The following RGS7BP variants were observed in gnomAD, a reference collection of about 807,000 sequenced individuals.
The protein encoded by RGS7BP is regulator of G protein signaling 7 binding protein.
Under a neutral mutation model 31.3 loss-of-function variants are expected in RGS7BP, and 9 were observed. That is an observed-to-expected ratio of 0.29 (90% CI 0.17 to 0.50). The LOEUF (loss-of-function observed/expected upper bound fraction) is 0.50. Among genes scored for constraint, RGS7BP ranks in the 20% least tolerant of loss-of-function variants. The pLI, the probability that RGS7BP is intolerant of heterozygous loss-of-function variation, is 0.98. For missense variants in RGS7BP, 274 were observed against 322.0 expected (o/e 0.85, Z 1.14); for synonymous variants, 115 against 120.1 (o/e 0.96, Z 0.28).
chr5:64,584,180 T>C (rs891052084), intron 3 of RGS7BP, among the ~76,000 whole-genome samples: 1 of 152,190 alleles, frequency 6.6e-6, no homozygotes, highest in African/African-American at 2.4e-5. Flanking sequence ...AGCTGAATTC[T>C]ATCTTATTTA....
chr5:64,560,543 G>GTATATA (rs35400833), intron 2 of RGS7BP, among the ~76,000 whole-genome samples: 641 of 147,284 alleles, frequency 4.4e-3, no homozygotes, highest in African/African-American at 0.013. Context: ...TAATATCATT[G>GTATATA]TATATATATA....
intron 3 of RGS7BP, among the ~76,000 whole-genome samples, chr5:64,587,200 C>T (rs1301682044): frequency 6.6e-6 from 1 of 152,060 alleles, no homozygotes; most frequent in Non-Finnish European, 1.5e-5. Context: ...TGTCACACAG[C>T]CATTTCTAAT....
chr5:64,577,505 C>T (rs1328131728), intron 3 of RGS7BP, among the ~76,000 whole-genome samples: 1 of 152,136 alleles, frequency 6.6e-6, no homozygotes, highest in Non-Finnish European at 1.5e-5. Flanking sequence ...AAAACAAGAT[C>T]CTACTACATT....
chr5:64,567,016 T>C (rs1027816081), intron 2 of RGS7BP, among the ~76,000 whole-genome samples: 4 of 151,712 alleles, frequency 2.6e-5, no homozygotes, highest in Non-Finnish European at 4.4e-5. Flanking sequence ...ACACTTTAAT[T>C]TTACCTGTCC....
intron 2 of RGS7BP, among the ~76,000 whole-genome samples, chr5:64,544,268 T>C: frequency 6.6e-6 from 1 of 152,228 alleles, no homozygotes; most frequent in Non-Finnish European, 1.5e-5. Context: ...GTATGATGTG[T>C]ATCATCCTAG....
At chr5:64,553,204 ACT>A (rs1310174177) in intron 2 of RGS7BP, among the ~76,000 whole-genome samples, 20 of 115,156 alleles carry the variant, frequency 1.7e-4, no homozygotes, top group African/African-American at 6.5e-4. Context: ...ACGGAGTCTC[ACT>A]CTGTCACCCA....
At position 64,529,475 on chromosome 5, in the gene RGS7BP, G is replaced by C. The variant is rs182585900; in HGVS notation, c.332+21598G>C. 5.7e-3 allele frequency among the ~76,000 whole-genome samples: 864 copies of C among 152,218 alleles called. 2 individuals are homozygous for C. The highest frequency in any genetic ancestry group is 6.9e-3 in the Non-Finnish European group (467 of 68,004). On this transcript the variant is annotated intron_variant, in intron 2 of 5. Coordinates refer to ENST00000334025, the MANE Select transcript of RGS7BP (RefSeq NM_001029875.3). ...AGATATTGTTGGTTTCAGATCACAG[G>C]GTTTACTGAAATAAAAAGGTTATGA...
intron 2 of RGS7BP, among the ~76,000 whole-genome samples, chr5:64,547,057 T>A (rs937155093): frequency 6.6e-6 from 1 of 152,228 alleles, no homozygotes; most frequent in Non-Finnish European, 1.5e-5. Context: ...GATTCATCCA[T>A]GTGTTGCAAG....
At chr5:64,538,474 A>G (rs886491789) in intron 2 of RGS7BP, among the ~76,000 whole-genome samples, 2 of 144,492 alleles carry the variant, frequency 1.4e-5, no homozygotes, top group African/African-American at 5.1e-5. Flanking sequence ...CTAAATCAGA[A>G]GCATGTAGCC....
chr5:64,531,698 T>G (rs985674325), intron 2 of RGS7BP, among the ~76,000 whole-genome samples: 1 of 152,142 alleles, frequency 6.6e-6, no homozygotes, highest in Non-Finnish European at 1.5e-5. Context: ...TCTGGGAAAA[T>G]GAAGATAAAA....
At chr5:64,559,095 T>C (rs931585612) in intron 2 of RGS7BP, among the ~76,000 whole-genome samples, 4 of 152,172 alleles carry the variant, frequency 2.6e-5, no homozygotes, top group African/African-American at 9.6e-5. Context: ...TCTTGAAGCA[T>C]GTGATCTCTG....
In RGS7BP at chr5:64,507,692, A is replaced by C. The variant is rs1025025044; in HGVS notation, c.166-19A>C. 6.4e-6 allele frequency: 10 copies of C among 1,554,490 alleles called. No individual in the cohort carries two copies. Among genetic ancestry groups the C allele is most frequent in the South Asian group, 1.2e-5 (1 of 83,268 alleles). On this transcript the variant is annotated intron_variant, in intron 1 of 5. Transcript: ENST00000334025. ...TGAGAAATGTTTGGTAAAAAAAAAAAAACTCACTTCTTTTCCAGCTTGTCC... is the reference window on the plus strand; with the variant it reads ...TGAGAAATGTTTGGTAAAAAAAAAACAACTCACTTCTTTTCCAGCTTGTCC...
At chr5:64,551,388 G>A (rs543606893) in intron 2 of RGS7BP, among the ~76,000 whole-genome samples, 39 of 150,762 alleles carry the variant, frequency 2.6e-4, no homozygotes, top group African/African-American at 6.6e-4. Flanking sequence ...TCAGCCTCCC[G>A]AGTGGCTGGG....
At chr5:64,541,771 T>A (rs939939756) in intron 2 of RGS7BP, among the ~76,000 whole-genome samples, 12 of 152,250 alleles carry the variant, frequency 7.9e-5, no homozygotes, top group Admixed American at 1.3e-4. Flanking sequence ...TGTTTTTTTT[T>A]ACTCAGTGTA....
At chr5:64,531,592 C>G (rs1354038072) in intron 2 of RGS7BP, among the ~76,000 whole-genome samples, 1 of 152,164 alleles carries the variant, frequency 6.6e-6, no homozygotes, top group Non-Finnish European at 1.5e-5. Flanking sequence ...GCTCCTTATT[C>G]GTTTGTTCAT....
chr5:64,579,831 C>G (rs902199493), intron 3 of RGS7BP, among the ~76,000 whole-genome samples: 1 of 151,902 alleles, frequency 6.6e-6, no homozygotes, highest in Non-Finnish European at 1.5e-5. Context: ...TTATTCTCAC[C>G]ATTAATTTCT....
rs189282511 is a variant in RGS7BP at position 64,604,798 on chromosome 5, T to C, written c.683-4363T>C. ...CTTATCACCTATATAAGAAATCTTTTATCAGCAAAATAAATTTGAGCAATA... is the reference window on the plus strand; with the variant it reads ...CTTATCACCTATATAAGAAATCTTTCATCAGCAAAATAAATTTGAGCAATA... On this transcript the variant is annotated intron_variant, in intron 5 of 5. Transcript: ENST00000334025. Among the ~76,000 whole-genome samples, 453 of 151,390 alleles carry C rather than the reference T, an allele frequency of 3.0e-3. 1 individual carries two copies. The highest frequency in any genetic ancestry group is 0.011 in the African/African-American group (429 of 40,710).
At position 64,506,809 on chromosome 5, in the gene RGS7BP, CTTT is replaced by C. The variant is rs36025131; in HGVS notation, c.165+33_165+35del. 776 of 1,322,000 alleles carry C rather than the reference CTTT, an allele frequency of 5.9e-4. No individual in the cohort carries two copies. Among genetic ancestry groups the C allele is most frequent in the Middle Eastern group, 1.6e-3 (6 of 3,666 alleles). 81.9% of individuals were successfully genotyped at this position (1,322,000 alleles called of 1,614,324 possible). Reference sequence around the variant, plus strand: ...AAGATGGTGGGTGAAAACTGCGCCTCTTTTTTTTTTTTTTTAATTGAGAGGGGG... The same window carrying C: ...AAGATGGTGGGTGAAAACTGCGCCTCTTTTTTTTTTTTAATTGAGAGGGGG... On this transcript the variant is annotated intron_variant, in intron 1 of 5. Coordinates refer to ENST00000334025, the MANE Select transcript of RGS7BP (RefSeq NM_001029875.3). The surrounding 1 kb of genome is among the most constrained non-coding windows in gnomAD (Gnocchi z 4.6).
rs531230248 is a variant in RGS7BP, at chr5:64,611,624, G to C, written c.*2372G>C. On this transcript the variant is annotated 3_prime_UTR_variant, in exon 6 of 6. Transcript: ENST00000334025. ...ATTTAAGGTAATATATTCAGCTACC[G>C]TATCTTTTATTCATAGTGCCTGTTT... 2.0e-5 allele frequency: 3 copies of C among 152,176 alleles called. No individual in the cohort carries two copies. The Admixed American group carries it at 2.0e-4, about 10-fold the overall frequency. The allele number at this position is 152,176 out of a possible 1,614,324, so 9.4% of individuals were successfully genotyped here. A position where few individuals can be genotyped will look rare whatever the true frequency, so the allele number is the denominator to read the frequency against.
Sources: allele counts gnomAD v4.1 joint callset (sites outside exome capture counted in the v4.1 genomes callset), GRCh38; gene constraint gnomAD v4.1.1; non-coding constraint Gnocchi (gnomAD v3.1); transcripts MANE v1.5; gene names NCBI Gene and HGNC (gene_info 2026-07-23, HGNC 2026-07-21).